Variants in EML5 observed in about 807,000 individuals in gnomAD.
EML5 encodes EMAP like 5.
EML5 carries 120 observed loss-of-function variants against 250.0 expected under a neutral mutation model. That is an observed-to-expected ratio of 0.48 (90% confidence interval 0.41 to 0.56). The LOEUF (loss-of-function observed/expected upper bound fraction) is 0.56, where lower values mean the gene tolerates loss of function less well. EML5 is among the 20% of genes least tolerant of loss of function. The pLI is 0.00. For synonymous variants in EML5, 771 were observed against 806.5 expected (o/e 0.96, Z 0.75); for missense variants, 2,006 against 2,437.6 (o/e 0.82, Z 3.73).
At chr14:88,616,336 G>T in intron 42 of EML5, 94 bp from the exon 43 acceptor site, 1 of 1,226,142 alleles carries the variant, frequency 8.2e-7, no homozygotes, top group Non-Finnish European at 1.2e-6. Flanking sequence ...CAAGAGCTGT[G>T]GAGAGAGTAG....
chr14:88,660,022 T>C (rs760969665), intron 25 of EML5, among the ~76,000 whole-genome samples: 18 of 152,118 alleles, frequency 1.2e-4, no homozygotes, highest in Non-Finnish European at 2.2e-4. Flanking sequence ...GCGCCTGTAA[T>C]CCCACCACTT....
chr14:88,709,670 C>A (rs931326080), intron 10 of EML5, among the ~76,000 whole-genome samples: 2 of 152,172 alleles, frequency 1.3e-5, no homozygotes, highest in South Asian at 2.1e-4. Context: ...TTTCTTATAA[C>A]GTTCACATTC....
chr14:88,740,374 T>G lies in EML5; in HGVS notation c.711+13A>C. 2 of 1,597,634 alleles carry G rather than the reference T, an allele frequency of 1.3e-6. No homozygotes were observed. The highest frequency in any genetic ancestry group is 1.7e-6 in the Non-Finnish European group (2 of 1,171,824). On this transcript the variant is annotated intron_variant, in intron 5 of 43. Coordinates refer to ENST00000554922, the MANE Select transcript of EML5 (RefSeq NM_183387.3). ...TACACATGAAAGTGTTTAAAATACT[T>G]AAATGTACTTACAGCATGGGCTCCT...
intron 21 of EML5, among the ~76,000 whole-genome samples, chr14:88,666,571 G>A (rs577046011): frequency 1.3e-5 from 2 of 152,144 alleles, no homozygotes; most frequent in East Asian, 3.9e-4. Context: ...CATTATTAAA[G>A]GTAGGAAGAT....
intron 21 of EML5, among the ~76,000 whole-genome samples, chr14:88,674,086 T>C (rs2092537861): frequency 6.6e-6 from 1 of 152,090 alleles, no homozygotes; most frequent in Admixed American, 6.5e-5. Context: ...CTGGCCAACA[T>C]AGTGAAACCT....
chr14:88,661,032 T>G (rs184215315), intron 25 of EML5, among the ~76,000 whole-genome samples: 38 of 152,270 alleles, frequency 2.5e-4, no homozygotes, highest in Admixed American at 3.3e-4. Context: ...TTATTGTTAA[T>G]AGTATATATT....
rs980351883 is a variant in EML5, at chr14:88,612,524, T to C, written c.*3294A>G. Reference sequence around the variant, plus strand: ...AAAATTATACAAATTTTTTTACAAGTATTTACATACTGTATCTGAAAACAG... The same window carrying C: ...AAAATTATACAAATTTTTTTACAAGCATTTACATACTGTATCTGAAAACAG... On this transcript the variant is annotated 3_prime_UTR_variant, in exon 44 of 44. Transcript: ENST00000554922. 6.6e-6 allele frequency: 1 copy of C among 152,500 alleles called. No individual in the cohort carries two copies. Among genetic ancestry groups the C allele is most frequent in the African/African-American group, 2.4e-5 (1 of 41,450 alleles). The allele number at this position is 152,500 out of a possible 1,614,324, so 9.4% of individuals were successfully genotyped here.
rs1300321153 is a variant in EML5 at position 88,695,306 on chromosome 14, T to C, written c.2438+55A>G. Reference sequence around the variant, plus strand: ...AAATTCTTTTAATTAAAAATTTTTTTAAGTCCAAAGTAATTCTAGTATTTT... The same window carrying C: ...AAATTCTTTTAATTAAAAATTTTTTCAAGTCCAAAGTAATTCTAGTATTTT... On this transcript the variant is annotated intron_variant, in intron 16 of 43. Transcript: ENST00000554922. The C allele has an allele frequency of 2.2e-5, 31 of 1,430,496 alleles. No individual in the cohort carries two copies. The East Asian group carries it at 6.9e-4, about 32-fold the overall frequency. 88.6% of individuals were successfully genotyped at this position (1,430,496 alleles called of 1,614,324 possible).
At chr14:88,766,477 C>T (rs992324895) in intron 1 of EML5, among the ~76,000 whole-genome samples, 5 of 152,260 alleles carry the variant, frequency 3.3e-5, no homozygotes, top group Admixed American at 2.0e-4. Flanking sequence ...TCTCCCATAG[C>T]GCTCCCAGGC....
At chr14:88,705,430 TAAAG>T in intron 12 of EML5, 48 bp downstream of exon 12, 1 of 1,315,570 alleles carries the variant, frequency 7.6e-7, no homozygotes, top group Non-Finnish European at 1.1e-6. Flanking sequence ...GGGAGCAAGA[TAAAG>T]AAGAAATTAG....
chr14:88,750,323 A>G (rs145858557), intron 2 of EML5, among the ~76,000 whole-genome samples: 26 of 152,192 alleles, frequency 1.7e-4, no homozygotes, highest in African/African-American at 6.0e-4. Flanking sequence ...CAACATATAC[A>G]CTATTTAAAG....
chr14:88,654,021 A>G (rs2091759613), intron 27 of EML5, among the ~76,000 whole-genome samples: 1 of 152,054 alleles, frequency 6.6e-6, no homozygotes, highest in African/African-American at 2.4e-5. Flanking sequence ...GGGAGGGTGT[A>G]TGTGTCCAGG....
intron 1 of EML5, among the ~76,000 whole-genome samples, chr14:88,785,944 A>C (rs1252019433): frequency 6.6e-6 from 1 of 152,066 alleles, no homozygotes; most frequent in Non-Finnish European, 1.5e-5. Flanking sequence ...GAAAGTGAAA[A>C]TCCTCTCAAT....
At chr14:88,630,184 C>T (rs561576187) in intron 33 of EML5, among the ~76,000 whole-genome samples, 2 of 151,962 alleles carry the variant, frequency 1.3e-5, no homozygotes, top group African/African-American at 4.8e-5. Flanking sequence ...GCACCTGCCA[C>T]CATGCCTAGC....
In EML5 at chr14:88,792,498, C is replaced by A. The variant is rs1324011532; in HGVS notation, c.6G>T (p.Ala2=). The change falls in exon 1 of 44, where the codon GCG becomes GCT. Residue 2 remains alanine (A), a synonymous_variant. Coordinates refer to ENST00000554922, the MANE Select transcript of EML5 (RefSeq NM_183387.3). The surrounding 1 kb of genome is among the most constrained non-coding windows in gnomAD (Gnocchi z 6.9). M[A]ARSAPSCHLR... ...GGTGGCAGCTCGGGGCGCTCCGGGCCGCCATGTCGGGGCGCCCACCCGCCG... is the reference window on the plus strand; with the variant it reads ...GGTGGCAGCTCGGGGCGCTCCGGGCAGCCATGTCGGGGCGCCCACCCGCCG... 1 of 1,408,676 alleles carries A rather than the reference C, an allele frequency of 7.1e-7. No individual in the cohort carries two copies. Among genetic ancestry groups the A allele is most frequent in the Middle Eastern group, 2.6e-4 (1 of 3,866 alleles). 87.3% of individuals were successfully genotyped at this position (1,408,676 alleles called of 1,614,324 possible). A position where few individuals can be genotyped will look rare whatever the true frequency, so the allele number is the denominator to read the frequency against.
At chr14:88,783,412 C>A (rs2094518285) in intron 1 of EML5, among the ~76,000 whole-genome samples, 1 of 152,130 alleles carries the variant, frequency 6.6e-6, no homozygotes, top group Non-Finnish European at 1.5e-5. Flanking sequence ...ATGGAGCTTC[C>A]ACTGATCCAA....
chr14:88,755,051 T>C (rs1326245018), intron 1 of EML5, among the ~76,000 whole-genome samples: 1 of 152,104 alleles, frequency 6.6e-6, no homozygotes, highest in Non-Finnish European at 1.5e-5. Flanking sequence ...GTGATCCGCC[T>C]GCCTCAGCTT....
Position 88,712,267 on chromosome 14 carries a change from G to T in EML5, c.1657+4C>A. ...GTTACTTAATATTTTGAAAGAAAAG[G>T]TACCTTTTCTTAAACATGGATATCG... On this transcript the variant is annotated splice_donor_region_variant and intron_variant, in intron 10 of 43. Coordinates refer to ENST00000554922, the MANE Select transcript of EML5 (RefSeq NM_183387.3). The T allele has an allele frequency of 6.3e-7, 1 of 1,594,304 alleles. No individual in the cohort carries two copies. The highest frequency in any genetic ancestry group is 8.6e-7 in the Non-Finnish European group (1 of 1,164,744).
At chr14:88,633,859 C>A (rs978594646) in intron 33 of EML5, among the ~76,000 whole-genome samples, 1 of 152,122 alleles carries the variant, frequency 6.6e-6, no homozygotes, top group East Asian at 1.9e-4. Context: ...GATCCTCAGA[C>A]CTTGGCCTTC....
Sources: allele counts gnomAD v4.1 joint callset (sites outside exome capture counted in the v4.1 genomes callset), GRCh38; gene constraint gnomAD v4.1.1; non-coding constraint Gnocchi (gnomAD v3.1); transcripts MANE v1.5; gene names NCBI Gene and HGNC (gene_info 2026-07-23, HGNC 2026-07-21).